The following GLRA2 variants were observed in gnomAD, a reference collection of about 807,000 sequenced individuals.
GLRA2 encodes glycine receptor subunit alpha-2.
In GLRA2, 11 loss-of-function variants were observed where a neutral mutation model predicts 31.6. The observed-to-expected ratio is 0.35, with a 90% confidence interval of 0.22 to 0.58. The LOEUF (loss-of-function observed/expected upper bound fraction) is 0.58. Ranked by LOEUF, GLRA2 falls within the 20% of genes least tolerant of loss-of-function variation. The pLI, the probability that GLRA2 is intolerant of heterozygous loss-of-function variation, is 0.84. For synonymous variants in GLRA2, 132 were observed against 134.0 expected, an observed-to-expected ratio of 0.99 and a Z score of 0.10; for missense variants, 212 against 351.8, an observed-to-expected ratio of 0.60 and a Z score of 3.18.
chrX:14,549,204 C>T (rs1290819011), intron 2 of GLRA2, among the ~76,000 whole-genome samples: 2 of 111,496 alleles, frequency 1.8e-5, no homozygotes, highest in Non-Finnish European at 3.8e-5. Context: ...GAGAACTGTC[C>T]ATGTCTGGAA....
intron 4 of GLRA2, among the ~76,000 whole-genome samples, chrX:14,601,119 G>T (rs2090269005): frequency 9.1e-6 from 1 of 110,012 alleles, no homozygotes; most frequent in South Asian, 3.8e-4. Flanking sequence ...AAGTCTTTAT[G>T]CTGGGAACCA....
intron 7 of GLRA2, among the ~76,000 whole-genome samples, chrX:14,622,785 C>G (rs962663074): frequency 4.5e-5 from 5 of 111,646 alleles, no homozygotes; most frequent in African/African-American, 6.5e-5. Flanking sequence ...AGTCAGGTAG[C>G]GTGATGCCTC....
At chrX:14,714,427 C>T (rs186980786) in intron 8 of GLRA2, among the ~76,000 whole-genome samples, 1 of 111,584 alleles carries the variant, frequency 9.0e-6, no homozygotes, top group Non-Finnish European at 1.9e-5. Context: ...TGCAGGTAAG[C>T]AACCTTGAAC....
intron 7 of GLRA2, among the ~76,000 whole-genome samples, chrX:14,672,098 T>TGA (rs2091099691): frequency 8.9e-6 from 1 of 112,328 alleles, no homozygotes; most frequent in African/African-American, 3.2e-5. Flanking sequence ...AGTGGGAGTG[T>TGA]GAGACCCCAA....
At chrX:14,620,464 T>C (rs2090502974) in intron 7 of GLRA2, among the ~76,000 whole-genome samples, 1 of 110,889 alleles carries the variant, frequency 9.0e-6, no homozygotes, top group South Asian at 3.9e-4. Context: ...ATTAGCACCT[T>C]TTTCTTTATC....
chrX:14,458,402 G>A, the GLRA2 span, among the ~76,000 whole-genome samples: 1 of 111,762 alleles, frequency 8.9e-6, no homozygotes, highest in African/African-American at 3.3e-5. Flanking sequence ...TGGGATGGCT[G>A]GGTCAAATGG....
At chrX:14,527,298 T>C (rs1463177018), upstream of GLRA2, among the ~76,000 whole-genome samples, 1 of 111,893 alleles carries the variant, frequency 8.9e-6, no homozygotes, top group African/African-American at 3.2e-5. Context: ...ATCCTATTCC[T>C]GGTTAATAAC....
the GLRA2 span, among the ~76,000 whole-genome samples, chrX:14,509,870 G>C: frequency 8.9e-6 from 1 of 111,976 alleles, no homozygotes; most frequent in East Asian, 2.8e-4. Context: ...AGGCATAATA[G>C]AGCAGAAAAA....
chrX:14,599,060 C>T (rs1043809931), intron 4 of GLRA2, among the ~76,000 whole-genome samples: 38 of 111,361 alleles, frequency 3.4e-4, no homozygotes, highest in African/African-American at 1.2e-3. Context: ...GGGAGACGGA[C>T]TTTCTTTGCT....
intron 2 of GLRA2, among the ~76,000 whole-genome samples, chrX:14,551,657 T>C (rs2089567143): frequency 8.9e-6 from 1 of 112,049 alleles, no homozygotes; most frequent in Non-Finnish European, 1.9e-5. Flanking sequence ...AAGAAAATGC[T>C]ATGATATACC....
chrX:14,565,086 C>T (rs2089785817), intron 2 of GLRA2, among the ~76,000 whole-genome samples: 1 of 111,136 alleles, frequency 9.0e-6, no homozygotes, highest in Non-Finnish European at 1.9e-5. Flanking sequence ...ATGAGATATT[C>T]AAAAAACAAA....
chrX:14,682,739 C>A (rs1186102319), intron 7 of GLRA2, among the ~76,000 whole-genome samples: 3 of 98,406 alleles, frequency 3.0e-5, no homozygotes, highest in Non-Finnish European at 6.1e-5. Flanking sequence ...TGTGATGTTC[C>A]CCTTCCTGTG....
chrX:14,501,192 A>G, the GLRA2 span, among the ~76,000 whole-genome samples: 6 of 110,900 alleles, frequency 5.4e-5, no homozygotes, highest in Non-Finnish European at 9.5e-5. Flanking sequence ...ATGATCTATC[A>G]CTCAACCATA....
At chrX:14,605,493 A>C (rs2090324694) in intron 5 of GLRA2, among the ~76,000 whole-genome samples, 1 of 111,375 alleles carries the variant, frequency 9.0e-6, no homozygotes, top group Non-Finnish European at 1.9e-5. Context: ...AAAAAAGCTG[A>C]GAAAAACATT....
At chrX:14,594,215 G>A (rs965311536) in intron 4 of GLRA2, among the ~76,000 whole-genome samples, 3 of 111,368 alleles carry the variant, frequency 2.7e-5, no homozygotes, top group South Asian at 3.8e-4. Flanking sequence ...TTCTCAAAAC[G>A]GTATCTGCAG....
At position 14,700,325 on chromosome X, in the gene GLRA2, C is replaced by T. The variant is rs192662186; in HGVS notation, c.1080+9466C>T. Among the ~76,000 whole-genome samples the T allele has an allele frequency of 6.4e-3, 701 of 109,648 alleles. 3 individuals carry two copies. Among genetic ancestry groups the T allele is most frequent in the African/African-American group, 0.019 (578 of 30,079 alleles). On this transcript the variant is annotated intron_variant, in intron 8 of 8. Coordinates refer to ENST00000218075, the MANE Select transcript of GLRA2 (RefSeq NM_002063.4). The stretch of plus-strand genomic sequence containing the variant: ...GAGAAAGAGCAGGAAGGGGCAGGGA[C>T]GGAGCAGGAAGAGGGAATGGAAGGG...
the GLRA2 span, among the ~76,000 whole-genome samples, chrX:14,519,161 C>G: frequency 9.1e-6 from 1 of 109,949 alleles, no homozygotes; most frequent in Non-Finnish European, 1.9e-5. Context: ...GTATTATACA[C>G]ATTTGTGTAA....
At chrX:14,697,594 A>G (rs1438281554) in intron 8 of GLRA2, among the ~76,000 whole-genome samples, 6 of 111,699 alleles carry the variant, frequency 5.4e-5, no homozygotes, top group African/African-American at 2.0e-4. Flanking sequence ...ATGAAGTGCA[A>G]TTGGACACCA....
At chrX:14,472,577 C>G in the GLRA2 span, among the ~76,000 whole-genome samples, 1 of 111,051 alleles carries the variant, frequency 9.0e-6, no homozygotes, top group African/African-American at 3.3e-5. Flanking sequence ...CAACCCCCAT[C>G]GTGTTCATGT....
Sources: allele counts gnomAD v4.1 joint callset (sites outside exome capture counted in the v4.1 genomes callset), GRCh38; gene constraint gnomAD v4.1.1; transcripts MANE v1.5; gene names NCBI Gene and HGNC (gene_info 2026-07-23, HGNC 2026-07-21).